Variants in AP4S1 observed in about 807,000 individuals in gnomAD.
AP4S1 encodes the protein AP-4 complex subunit sigma-1.
A neutral mutation model predicts 19.8 loss-of-function variants in AP4S1; 23 were observed. The ratio of observed to expected loss-of-function variants is 1.16; its 90% CI spans 0.84 to 1.65. The LOEUF is 1.65. Ranked by LOEUF, AP4S1 falls within the 40% of genes most tolerant of loss-of-function variation. AP4S1 has a pLI of 0.00. For synonymous variants in AP4S1, 46 were observed against 54.1 expected, an observed-to-expected ratio of 0.85 and a Z score of 0.66; for missense variants, 166 against 172.8, an observed-to-expected ratio of 0.96 and a Z score of 0.22.
chr14:31,085,099 G>A (rs911176462), intron 5 of AP4S1: 8 of 1,377,418 alleles, frequency 5.8e-6, no homozygotes, highest in South Asian at 3.4e-5. Context: ...GGGGCTCCTC[G>A]GGCCCTGTGC....
intron 1 of AP4S1, among the ~76,000 whole-genome samples, chr14:31,037,231 C>T (rs1884832388): frequency 6.6e-6 from 1 of 151,750 alleles, no homozygotes; most frequent in African/African-American, 2.4e-5. Flanking sequence ...GTATCTTCCT[C>T]CTGTTCTTGT....
chr14:31,037,033 C>T (rs999244478), intron 1 of AP4S1, among the ~76,000 whole-genome samples: 3 of 151,932 alleles, frequency 2.0e-5, no homozygotes, highest in Non-Finnish European at 2.9e-5. Flanking sequence ...AGGATGGTCT[C>T]GATCTCTTGA....
At chr14:31,076,042 AC>A (rs1186327545) in intron 4 of AP4S1, among the ~76,000 whole-genome samples, 1 of 152,138 alleles carries the variant, frequency 6.6e-6, no homozygotes, top group Admixed American at 6.5e-5. Flanking sequence ...GGCCGGATAT[AC>A]CAAATTTTTT....
intron 4 of AP4S1, among the ~76,000 whole-genome samples, chr14:31,077,111 G>A (rs1887401486): frequency 6.6e-6 from 1 of 151,960 alleles, no homozygotes; most frequent in Non-Finnish European, 1.5e-5. Context: ...TGTATTATTA[G>A]TAGAGACAGG....
At chr14:31,061,324 C>G (rs758444888) in intron 1 of AP4S1, among the ~76,000 whole-genome samples, 1 of 152,098 alleles carries the variant, frequency 6.6e-6, no homozygotes, top group South Asian at 2.1e-4. Context: ...CCTGGGCAGT[C>G]AACTCTACCC....
At chr14:31,084,212 G>A (rs1332464072) in intron 5 of AP4S1, among the ~76,000 whole-genome samples, 1 of 152,234 alleles carries the variant, frequency 6.6e-6, no homozygotes, top group Non-Finnish European at 1.5e-5. Flanking sequence ...GGACAGACGT[G>A]AGTTAAAGCT....
At position 31,094,982 on chromosome 14, in the gene AP4S1, C is replaced by G. The variant is rs572321379; in HGVS notation, c.*1947C>G. 11 of 152,488 alleles carry G rather than the reference C, an allele frequency of 7.2e-5. No individual in the cohort carries two copies. Among genetic ancestry groups the G allele is most frequent in the Admixed American group, 2.0e-4 (3 of 15,298 alleles). 9.4% of individuals were successfully genotyped at this position (152,488 alleles called of 1,614,324 possible). ...AGTGAGCCGAGATCATGCCACTGCA[C>G]TCCAGCCTGGGCGACAGAGTGAGAC... On this transcript the variant is annotated 3_prime_UTR_variant, in exon 6 of 6. Transcript: ENST00000542754.
chr14:31,042,337 TTAAATG>T (rs1433597680), intron 1 of AP4S1, among the ~76,000 whole-genome samples: 1 of 152,136 alleles, frequency 6.6e-6, no homozygotes, highest in Non-Finnish European at 1.5e-5. Context: ...ACTTTTAACT[TTAAATG>T]TAGGGAATAG....
chr14:31,027,923 T>A (rs943338311), intron 1 of AP4S1, among the ~76,000 whole-genome samples: 5 of 152,192 alleles, frequency 3.3e-5, no homozygotes, highest in African/African-American at 9.6e-5. Flanking sequence ...TGTTACTTTT[T>A]AAAATTTTTT....
At chr14:31,087,047 C>CA (rs1887937873) in intron 5 of AP4S1, among the ~76,000 whole-genome samples, 1 of 152,018 alleles carries the variant, frequency 6.6e-6, no homozygotes, top group African/African-American at 2.4e-5. Flanking sequence ...CATGCACCAC[C>CA]ACACCCAGCT....
chr14:31,088,508 A>G (rs1381789055), intron 5 of AP4S1, among the ~76,000 whole-genome samples: 1 of 151,998 alleles, frequency 6.6e-6, no homozygotes, highest in Non-Finnish European at 1.5e-5. Flanking sequence ...ATGAAAACCT[A>G]CTTTAAAAAA....
Position 31,095,350 on chromosome 14 carries a change from T to C in AP4S1, c.*2315T>C, listed in dbSNP as rs1594723124. On this transcript the variant is annotated 3_prime_UTR_variant, in exon 6 of 6. Transcript: ENST00000542754. The stretch of plus-strand genomic sequence containing the variant: ...TATGTAATTAACTCTATAGAGAACA[T>C]TACTTTCAAATAATGGATGGTCAGA... The C allele has an allele frequency of 6.6e-6, 1 of 152,236 alleles. No homozygotes were observed. Among genetic ancestry groups the C allele is most frequent in the Non-Finnish European group, 1.5e-5 (1 of 68,050 alleles). The allele number at this position is 152,236 out of a possible 1,614,324, so 9.4% of individuals were successfully genotyped here. A position where few individuals can be genotyped will look rare whatever the true frequency, so the allele number is the denominator to read the frequency against.
intron 1 of AP4S1, among the ~76,000 whole-genome samples, chr14:31,038,080 C>CT (rs1458053746): frequency 6.6e-6 from 1 of 152,204 alleles, no homozygotes; most frequent in African/African-American, 2.4e-5. Context: ...TGAAAAGTCT[C>CT]TGTGTTCTAC....
At chr14:31,073,493 A>C (rs1360405328) in intron 4 of AP4S1, among the ~76,000 whole-genome samples, 3 of 146,516 alleles carry the variant, frequency 2.0e-5, no homozygotes, top group Non-Finnish European at 4.5e-5. Context: ...CCGTCTCAGA[A>C]AAAAAAAAAA....
At chr14:31,041,173 G>A (rs1015858134) in intron 1 of AP4S1, among the ~76,000 whole-genome samples, 3 of 151,754 alleles carry the variant, frequency 2.0e-5, no homozygotes, top group South Asian at 2.1e-4. Context: ...TTTTTGAGAC[G>A]GAGTCTCACT....
chr14:31,058,527 A>ATGTGTG (rs140119208), intron 1 of AP4S1, among the ~76,000 whole-genome samples: 3,542 of 136,422 alleles, frequency 0.026, 72 homozygotes, highest in Non-Finnish European at 0.033. Flanking sequence ...CTGTGTGTGT[A>ATGTGTG]TGTGTGTGTG....
Position 31,025,656 on chromosome 14 carries a change from G to C in AP4S1, c.-203G>C, listed in dbSNP as rs1271322493. The C allele has an allele frequency of 3.4e-6, 2 of 586,166 alleles. No homozygotes were observed. The highest frequency in any genetic ancestry group is 6.8e-5 in the Admixed American group (2 of 29,512). The allele number at this position is 586,166 out of a possible 1,614,324, so 36.3% of individuals were successfully genotyped here. The stretch of plus-strand genomic sequence containing the variant: ...AGCCCCCGCAGACGCCATACTAAAA[G>C]CCAAAATGGCTGCCCCGAGGAGGCC... On this transcript the variant is annotated 5_prime_UTR_variant, in exon 1 of 6. Transcript: ENST00000542754.
chr14:31,035,859 T>C (rs941380442), intron 1 of AP4S1, among the ~76,000 whole-genome samples: 7 of 151,616 alleles, frequency 4.6e-5, no homozygotes, highest in Non-Finnish European at 1.0e-4. Flanking sequence ...CCTTCCCGAG[T>C]AGCTGGGACT....
chr14:31,041,783 C>T (rs1009639076), intron 1 of AP4S1, among the ~76,000 whole-genome samples: 1 of 152,174 alleles, frequency 6.6e-6, no homozygotes, highest in African/African-American at 2.4e-5. Context: ...TTTTCTTTGC[C>T]ATTTCTAACC....
Sources: allele counts gnomAD v4.1 joint callset (sites outside exome capture counted in the v4.1 genomes callset), GRCh38; gene constraint gnomAD v4.1.1; transcripts MANE v1.5; gene names NCBI Gene and HGNC (gene_info 2026-07-23, HGNC 2026-07-21).